Variants in RBFOX1 observed in about 807,000 individuals in gnomAD.
RBFOX1 encodes RNA binding protein fox-1 homolog 1.
In RBFOX1, 8 loss-of-function variants were observed where a neutral mutation model predicts 57.7. The observed-to-expected ratio is 0.14, with a 90% CI of 0.08 to 0.25. The LOEUF (loss-of-function observed/expected upper bound fraction) is 0.25, where lower values mean the gene tolerates loss of function less well. RBFOX1 is among the 10% of genes least tolerant of loss of function. RBFOX1 has a pLI of 1.00. For missense variants in RBFOX1, 611 were observed against 548.5 expected, an observed-to-expected ratio of 1.11 and a Z score of -1.14; for synonymous variants, 326 against 222.4, an observed-to-expected ratio of 1.47 and a Z score of -4.15.
chr16:7,121,161 C>G (rs987326482), intron 4 of RBFOX1, among the ~76,000 whole-genome samples: 5 of 152,022 alleles, frequency 3.3e-5, no homozygotes, highest in Non-Finnish European at 4.4e-5. Context: ...TAATATCATA[C>G]TTATTGGTGA....
intron 1 of RBFOX1, among the ~76,000 whole-genome samples, chr16:6,232,207 C>G (rs934009155): frequency 6.6e-6 from 1 of 152,258 alleles, no homozygotes; most frequent in East Asian, 1.9e-4. Context: ...TGGTTTGCTT[C>G]CTGAGGAGAG....
intron 4 of RBFOX1, among the ~76,000 whole-genome samples, chr16:7,052,423 G>C (rs1021042794): frequency 6.6e-6 from 1 of 152,130 alleles, no homozygotes; most frequent in African/African-American, 2.4e-5. Flanking sequence ...CAAAAGGATG[G>C]CTGGCTGCCT....
intron 2 of RBFOX1, among the ~76,000 whole-genome samples, chr16:5,534,894 G>A (rs541374444): frequency 3.9e-5 from 6 of 152,238 alleles, no homozygotes; most frequent in African/African-American, 1.2e-4. Flanking sequence ...CTACAGATAT[G>A]GGTCGCCATA....
chr16:6,667,526 C>T (rs1001094952), intron 3 of RBFOX1, among the ~76,000 whole-genome samples: 1 of 152,028 alleles, frequency 6.6e-6, no homozygotes, highest in African/African-American at 2.4e-5. Context: ...CACTATGGGA[C>T]TCAATGAGCT....
At chr16:6,899,951 C>T (rs918722327) in intron 3 of RBFOX1, among the ~76,000 whole-genome samples, 1 of 152,178 alleles carries the variant, frequency 6.6e-6, no homozygotes, top group Non-Finnish European at 1.5e-5. Context: ...GTCTTAATAG[C>T]TGGGTGGCCT....
At chr16:7,445,759 G>T (rs773347216) in intron 4 of RBFOX1, among the ~76,000 whole-genome samples, 19 of 152,270 alleles carry the variant, frequency 1.2e-4, no homozygotes, top group Non-Finnish European at 2.5e-4. Context: ...CGCGGGTGAC[G>T]TTTGGAGATG....
chr16:6,597,497 C>G (rs890297873), intron 2 of RBFOX1, among the ~76,000 whole-genome samples: 1 of 152,052 alleles, frequency 6.6e-6, no homozygotes, highest in Non-Finnish European at 1.5e-5. Flanking sequence ...CATGGTGAAA[C>G]CCTGTCTCTA....
intron 3 of RBFOX1, among the ~76,000 whole-genome samples, chr16:6,721,379 G>T (rs527736539): frequency 6.6e-6 from 1 of 152,278 alleles, no homozygotes; most frequent in South Asian, 2.1e-4. Flanking sequence ...GGAGGCGGAG[G>T]TTACAGTGAG....
chr16:7,265,361 A>T (rs1182881123), intron 4 of RBFOX1, among the ~76,000 whole-genome samples: 2 of 152,090 alleles, frequency 1.3e-5, no homozygotes, highest in Non-Finnish European at 2.9e-5. Context: ...GGGAGAGGAA[A>T]GAAGTGGGTG....
chr16:5,522,448 T>C (rs1346510853), intron 2 of RBFOX1, among the ~76,000 whole-genome samples: 1 of 152,260 alleles, frequency 6.6e-6, no homozygotes, highest in Non-Finnish European at 1.5e-5. Flanking sequence ...AAGAGGTACA[T>C]GTAGTATTTC....
chr16:7,283,852 T>C (rs1160318453), intron 4 of RBFOX1, among the ~76,000 whole-genome samples: 1 of 152,218 alleles, frequency 6.6e-6, no homozygotes, highest in Non-Finnish European at 1.5e-5. Flanking sequence ...CAAGTTTCAA[T>C]AAGTGCATAC....
chr16:5,737,904 C>T (rs180724575), intron 3 of RBFOX1, among the ~76,000 whole-genome samples: 64 of 152,036 alleles, frequency 4.2e-4, no homozygotes, highest in African/African-American at 1.4e-3. Context: ...ATGTGCAGAA[C>T]GTGCAGGTTT....
intron 5 of RBFOX1, among the ~76,000 whole-genome samples, chr16:7,524,777 A>T (rs1235070560): frequency 6.6e-6 from 1 of 152,228 alleles, no homozygotes; most frequent in Non-Finnish European, 1.5e-5. Context: ...TAATACTTTT[A>T]GGAAGATAAG....
intron 1 of RBFOX1, among the ~76,000 whole-genome samples, chr16:6,051,830 C>T (rs1195882321): frequency 6.6e-6 from 1 of 152,222 alleles, no homozygotes; most frequent in African/African-American, 2.4e-5. Context: ...TCCCAAACTG[C>T]TGGGATTACA....
chr16:5,525,387 G>A (rs2044200564), intron 2 of RBFOX1, among the ~76,000 whole-genome samples: 1 of 151,896 alleles, frequency 6.6e-6, no homozygotes, highest in Non-Finnish European at 1.5e-5. Flanking sequence ...TGACTTTATA[G>A]TGGGGGAAAC....
intron 3 of RBFOX1, among the ~76,000 whole-genome samples, chr16:6,944,367 C>G (rs112645308): frequency 2.0e-5 from 3 of 148,948 alleles, no homozygotes; most frequent in African/African-American, 7.4e-5. Flanking sequence ...TGTACTCCAG[C>G]CTGGCAACAG....
At chr16:7,555,819 C>A (rs1415452791) in intron 5 of RBFOX1, among the ~76,000 whole-genome samples, 1 of 152,168 alleles carries the variant, frequency 6.6e-6, no homozygotes, top group East Asian at 1.9e-4. Flanking sequence ...GTCAAGCCTA[C>A]CTCCACGGTC....
intron 4 of RBFOX1, among the ~76,000 whole-genome samples, chr16:7,090,847 A>G (rs1458214688): frequency 6.6e-6 from 1 of 152,150 alleles, no homozygotes; most frequent in Non-Finnish European, 1.5e-5. Context: ...ACCAGGCTAC[A>G]CTTGCCGTAG....
chr16:7,261,266 C>T (rs2094908939), intron 4 of RBFOX1, among the ~76,000 whole-genome samples: 3 of 152,250 alleles, frequency 2.0e-5, no homozygotes, highest in African/African-American at 7.2e-5. Context: ...TTAAAGGAGA[C>T]AGTATATGAT....
Sources: gnomAD v4.1 joint callset for allele counts (sites outside exome capture counted in the v4.1 genomes callset) on GRCh38, gnomAD v4.1.1 for gene constraint, MANE v1.5 for transcripts, NCBI Gene and HGNC (gene_info 2026-07-23, HGNC 2026-07-21) for gene names.